PRUNE2: variants seen among roughly 807,000 people sequenced by gnomAD.
The protein encoded by PRUNE2 is protein prune homolog 2.
Under a neutral mutation model 252.0 loss-of-function variants are expected in PRUNE2, and 164 were observed. The observed-to-expected ratio is 0.65, with a 90% CI of 0.57 to 0.74. The LOEUF is 0.74. PRUNE2 is among the 30% of genes least tolerant of loss of function. PRUNE2 has a pLI of 0.00. For missense variants in PRUNE2, 3,495 were observed against 3,711.0 expected, an observed-to-expected ratio of 0.94 and a Z score of 1.51; for synonymous variants, 1,292 against 1,350.2, an observed-to-expected ratio of 0.96 and a Z score of 0.94.
intron 4 of PRUNE2, among the ~76,000 whole-genome samples, chr9:76,839,118 T>G (rs11791154): frequency 6.6e-6 from 1 of 151,974 alleles, no homozygotes; most frequent in Non-Finnish European, 1.5e-5. Context: ...ACATTAAGAA[T>G]GTTAGAAGGA....
At position 76,707,318 on chromosome 9, in the gene PRUNE2, A is replaced by G; in HGVS notation, c.4956T>C (p.His1652=). Residue 1652 remains histidine (H), a synonymous_variant, in exon 8 of 19, where the codon CAT becomes CAC. Coordinates refer to ENST00000376718, the MANE Select transcript of PRUNE2 (RefSeq NM_015225.3). The part of the protein sequence containing the change: ...TGKYSEHSGT[H]QESNLIASYQ... Reference sequence around the variant, plus strand: ...AGCTAGCAATTAGATTGCTTTCCTGATGTGTCCCTGAATGTTCAGAATATT... The same window carrying G: ...AGCTAGCAATTAGATTGCTTTCCTGGTGTGTCCCTGAATGTTCAGAATATT... 6.2e-7 allele frequency: 1 copy of G among 1,613,896 alleles called. No homozygotes were observed. Among genetic ancestry groups the G allele is most frequent in the South Asian group, 1.1e-5 (1 of 91,064 alleles).
chr9:76,617,093 T>C (rs1299589211), intron 18 of PRUNE2, among the ~76,000 whole-genome samples: 2 of 152,230 alleles, frequency 1.3e-5, no homozygotes, highest in Non-Finnish European at 2.9e-5. Context: ...AGCAACTTTT[T>C]CCTGAGACAG....
At chr9:76,641,905 C>G (rs1423259374) in intron 12 of PRUNE2, 1 of 1,504,264 alleles carries the variant, frequency 6.6e-7, no homozygotes, top group Non-Finnish European at 8.8e-7. Context: ...ACACACACAC[C>G]AGCCAGCAAC....
intron 6 of PRUNE2, among the ~76,000 whole-genome samples, chr9:76,774,330 GT>G (rs1031148588): frequency 5.3e-5 from 8 of 151,736 alleles, no homozygotes; most frequent in African/African-American, 1.9e-4. Flanking sequence ...TAAAGATGGG[GT>G]TTCACCATGT....
intron 6 of PRUNE2, among the ~76,000 whole-genome samples, chr9:76,752,152 C>T (rs942938938): frequency 3.3e-5 from 5 of 149,746 alleles, no homozygotes; most frequent in Non-Finnish European, 5.9e-5. Context: ...GGCTGGAGTG[C>T]AATGGTGCAA....
intron 6 of PRUNE2, among the ~76,000 whole-genome samples, chr9:76,788,037 C>T (rs1029440699): frequency 1.3e-5 from 2 of 152,140 alleles, no homozygotes; most frequent in Non-Finnish European, 2.9e-5. Flanking sequence ...CTTTAAGATT[C>T]GGCTCAAGAG....
intron 9 of PRUNE2, 85 bp downstream of exon 9, chr9:76,703,252 T>C (rs1461087603): frequency 3.9e-5 from 49 of 1,256,934 alleles, no homozygotes; most frequent in Non-Finnish European, 5.0e-5. Context: ...CAGGTATTCC[T>C]CATATTCCAT....
intron 6 of PRUNE2, among the ~76,000 whole-genome samples, chr9:76,764,196 T>C (rs1346776668): frequency 6.6e-6 from 1 of 152,062 alleles, no homozygotes; most frequent in African/African-American, 2.4e-5. Flanking sequence ...ACTGCTCTCA[T>C]GGAGCTGCAT....
chr9:76,755,003 A>G (rs1378879004), intron 6 of PRUNE2, among the ~76,000 whole-genome samples: 1 of 150,992 alleles, frequency 6.6e-6, no homozygotes. Context: ...AAAAAACAAA[A>G]GCAAAAACAA....
At chr9:76,630,853 C>T (rs1159674399) in intron 15 of PRUNE2, among the ~76,000 whole-genome samples, 1 of 152,186 alleles carries the variant, frequency 6.6e-6, no homozygotes, top group South Asian at 2.1e-4. Context: ...TGTGTAATGG[C>T]AAACTAATTT....
chr9:76,710,345 G>A lies in PRUNE2; in HGVS notation c.1929C>T (p.His643=), dbSNP rs777599763. The change falls in exon 8 of 19, where the codon CAC becomes CAT. Residue 643 remains histidine, a synonymous_variant. Coordinates refer to ENST00000376718, the MANE Select transcript of PRUNE2 (RefSeq NM_015225.3). ...GTGCATGGGTCTGAGGTGGCCCCAT[G>A]TGACCTGTGTCAGTTGCTTTTTGGG... is the stretch of plus-strand genomic sequence containing the variant. The part of the protein sequence containing the change: ...DMTQKATDTG[H]MGPPQTHARC... 1.9e-6 allele frequency: 3 copies of A among 1,613,946 alleles called. No individual in the cohort carries two copies. The highest frequency in any genetic ancestry group is 2.7e-5 in the African/African-American group (2 of 74,952).
rs201787222 is a variant in PRUNE2 at position 76,706,564 on chromosome 9, G to A, written c.5710C>T (p.His1904Tyr). 5 of 1,613,944 alleles carry A rather than the reference G, an allele frequency of 3.1e-6. No homozygotes were observed. In the South Asian group the frequency reaches 4.4e-5, roughly 14 times the overall value. The change falls in exon 8 of 19, where the codon CAT (histidine) becomes TAT (tyrosine). Residue 1904 changes from histidine (H) to tyrosine (Y), a missense_variant. Transcript: ENST00000376718. ...GGTTGAATGTTCCAGAGTTGCTCATGGGAGTTCTTCCCATTACCTTCCAGA... is the reference window on the plus strand; with the variant it reads ...GGTTGAATGTTCCAGAGTTGCTCATAGGAGTTCTTCCCATTACCTTCCAGA... ...PFLEGNGKNS[H>Y]EQLWNIQPRQ...
At position 76,706,822 on chromosome 9, in the gene PRUNE2, C is replaced by G; in HGVS notation, c.5452G>C (p.Glu1818Gln). Reference protein sequence around the residue: ...FPKNEDNSQLEMLGFSADSTE... With the variant: ...FPKNEDNSQLQMLGFSADSTE... ...CTATCAGCTGAGAAGCCCAGCATTT[C>G]CAGTTGAGAATTATCTTCGTTCTTT... The change falls in exon 8 of 19, where the codon GAA becomes CAA. Residue 1818 changes from glutamate (E) to glutamine (Q), a missense_variant. By Grantham distance (29) the Glu-to-Gln change is conservative. Coordinates refer to ENST00000376718, the MANE Select transcript of PRUNE2 (RefSeq NM_015225.3). 1 of 1,599,438 alleles carries G rather than the reference C, an allele frequency of 6.3e-7. No individual in the cohort carries two copies. The highest frequency in any genetic ancestry group is 1.7e-4 in the Middle Eastern group (1 of 5,972).
intron 6 of PRUNE2, among the ~76,000 whole-genome samples, chr9:76,798,720 A>G (rs2056313189): frequency 6.6e-6 from 1 of 152,132 alleles, no homozygotes; most frequent in African/African-American, 2.4e-5. Flanking sequence ...CATAAACCAC[A>G]AGCCTCCCCC....
intron 9 of PRUNE2, among the ~76,000 whole-genome samples, chr9:76,677,107 T>TATCTA (rs141514648): frequency 6.6e-6 from 1 of 152,394 alleles, no homozygotes; most frequent in East Asian, 1.9e-4. Flanking sequence ...GATTTAAATG[T>TATCTA]ATCTAATTCT....
chr9:76,772,424 C>T (rs928262852), intron 6 of PRUNE2, among the ~76,000 whole-genome samples: 6 of 152,140 alleles, frequency 3.9e-5, no homozygotes, highest in Non-Finnish European at 7.3e-5. Flanking sequence ...TCACTTGCTA[C>T]GTAGTCTTGA....
At chr9:76,836,897 CTAAT>C (rs1299240643) in intron 4 of PRUNE2, among the ~76,000 whole-genome samples, 1 of 152,136 alleles carries the variant, frequency 6.6e-6, no homozygotes, top group Non-Finnish European at 1.5e-5. Flanking sequence ...ACACATACCT[CTAAT>C]TAGTATACAA....
intron 4 of PRUNE2, among the ~76,000 whole-genome samples, chr9:76,834,898 CCT>C (rs1287573076): frequency 6.6e-6 from 1 of 152,134 alleles, no homozygotes; most frequent in Non-Finnish European, 1.5e-5. Context: ...GCCAGAGACA[CCT>C]CTCAGCAAAT....
intron 15 of PRUNE2, among the ~76,000 whole-genome samples, chr9:76,629,586 G>T (rs1836543365): frequency 6.8e-6 from 1 of 146,962 alleles, no homozygotes; most frequent in Non-Finnish European, 1.5e-5. Context: ...ATTTACGTAT[G>T]TATTACTTCA....
Sources: gnomAD v4.1 joint callset for allele counts (sites outside exome capture counted in the v4.1 genomes callset) on GRCh38, gnomAD v4.1.1 for gene constraint, MANE v1.5 for transcripts, NCBI Gene and HGNC (gene_info 2026-07-23, HGNC 2026-07-21) for gene names.